The following RRAGC variants were observed in gnomAD, a reference collection of about 807,000 sequenced individuals.
RRAGC encodes ras-related GTP-binding protein C.
A neutral mutation model predicts 37.1 loss-of-function variants in RRAGC; 8 were observed. That is an observed-to-expected ratio of 0.22 (90% confidence interval 0.13 to 0.39). RRAGC has a LOEUF of 0.39. Among genes scored for constraint, RRAGC ranks in the 10% least tolerant of loss-of-function variants. The probability of loss-of-function intolerance (pLI) is 1.00; values close to 1 mark genes in which losing one functional copy is unlikely to be tolerated. For synonymous variants in RRAGC, 190 were observed against 181.1 expected, an observed-to-expected ratio of 1.05 and a Z score of -0.39; for missense variants, 342 against 497.6, an observed-to-expected ratio of 0.69 and a Z score of 2.98.
chr1:38,839,350 C>G lies in RRAGC; in HGVS notation c.*203G>C. On this transcript the variant is annotated 3_prime_UTR_variant, in exon 7 of 7. Transcript: ENST00000373001. Reference sequence around the variant, plus strand: ...CCAGAATTTTTTTTTTTTTTTTTTGCCATTTTCAAAAAAGATATAGTAGCT... The same window carrying G: ...CCAGAATTTTTTTTTTTTTTTTTTGGCATTTTCAAAAAAGATATAGTAGCT... 2 of 379,418 alleles carry G rather than the reference C, an allele frequency of 5.3e-6. No individual in the cohort carries two copies. Among genetic ancestry groups the G allele is most frequent in the Non-Finnish European group, 4.6e-6 (1 of 219,520 alleles). The allele number at this position is 379,418 out of a possible 1,614,324, so 23.5% of individuals were successfully genotyped here.
At chr1:38,848,177 G>A (rs1036786651) in intron 5 of RRAGC, 3 of 152,106 alleles carry the variant, frequency 2.0e-5, no homozygotes, top group Non-Finnish European at 4.4e-5. Flanking sequence ...AATTTGGGAC[G>A]GCAGAGTGGA....
rs1038325454 is a variant in RRAGC, at chr1:38,848,478, C to T, written c.900-2391G>A. 2.6e-5 allele frequency among the ~76,000 whole-genome samples: 4 copies of T among 152,128 alleles called. No homozygotes were observed. In the East Asian group the frequency reaches 5.8e-4, roughly 22 times the overall value. ...CATATGATCTTGAATCACACACTAA[C>T]ATGAGAAAGAAATAAGAAAGGCACA... On this transcript the variant is annotated intron_variant, in intron 5 of 6. Coordinates refer to ENST00000373001, the MANE Select transcript of RRAGC (RefSeq NM_022157.4).
At chr1:38,844,353 A>G (rs181446963) in intron 6 of RRAGC, among the ~76,000 whole-genome samples, 197 of 152,062 alleles carry the variant, frequency 1.3e-3, no homozygotes, top group Admixed American at 0.013. Context: ...GAATTTTTCA[A>G]TCACATAGAG....
In RRAGC at chr1:38,859,566, G is replaced by T; in HGVS notation, c.81C>A (p.Gly27=). The stretch of plus-strand genomic sequence containing the variant: ...CCTCTTCCTCCTCCTCCACGCCGTA[G>T]CCGAAGTCCTTTGGAAACGAATCGG... ...GAADSFPKDF[G]YGVEEEEEEA... The change falls in exon 1 of 7, where the codon GGC becomes GGA. Residue 27 remains glycine (G), a synonymous_variant. Coordinates refer to ENST00000373001, the MANE Select transcript of RRAGC (RefSeq NM_022157.4). 1 of 1,556,524 alleles carries T rather than the reference G, an allele frequency of 6.4e-7. No homozygotes were observed. The highest frequency in any genetic ancestry group is 2.4e-5 in the East Asian group (1 of 42,108).
intron 4 of RRAGC, 65 bp from the exon 5 acceptor site, chr1:38,851,822 G>T (rs568247811): frequency 4.6e-5 from 66 of 1,420,324 alleles, no homozygotes; most frequent in Non-Finnish European, 5.2e-5. Flanking sequence ...ACTTATCGAA[G>T]ATCTAGAATT....
Position 38,859,523 on chromosome 1 carries a change from C to T in RRAGC, c.124G>A (p.Gly42Arg). The change falls in exon 1 of 7, where the codon GGA (glycine) becomes AGA (arginine). Residue 42 changes from glycine (G) to arginine (R), a missense_variant. By Grantham distance (125) the Gly-to-Arg change is moderately radical. Around this residue, in one of 3 missense-constraint regions of RRAGC, gnomAD observed 104 missense variants for 93.4 expected, o/e 1.11. Coordinates refer to ENST00000373001, the MANE Select transcript of RRAGC (RefSeq NM_022157.4). ...EEEEEAAAAG[G>R]GVGAGAGGGC... ...CCGCCTGCCCCTGCCCCAACCCCTC[C>T]GCCCGCCGCCGCCGCCTCCTCTTCC... The T allele has an allele frequency of 1.3e-6, 2 of 1,547,654 alleles. No homozygotes were observed. Among genetic ancestry groups the T allele is most frequent in the South Asian group, 1.2e-5 (1 of 83,950 alleles).
Position 38,842,612 on chromosome 1 carries a change from G to C in RRAGC, c.1049-2908C>G, listed in dbSNP as rs6680735. Among the ~76,000 whole-genome samples, 757 of 152,298 alleles carry C rather than the reference G, an allele frequency of 5.0e-3. 7 individuals carry two copies. The highest frequency in any genetic ancestry group is 0.017 in the African/African-American group (714 of 41,554). ...TAAAGTCACTTTGGAGAGCTGTTTG[G>C]CAATCTCTTTATTAGTCAAAAGATA... is the stretch of plus-strand genomic sequence containing the variant. On this transcript the variant is annotated intron_variant, in intron 6 of 6. Transcript: ENST00000373001.
rs1195974696 is a variant in RRAGC at position 38,856,965 on chromosome 1, C to T, written c.355G>A (p.Gly119Arg). ...GTTGGGTCAAAAAAGTCCATTTGCCCAGGAAAATCCCATATCTGGAAATTC... is the reference window on the plus strand; with the variant it reads ...GTTGGGTCAAAAAAGTCCATTTGCCTAGGAAAATCCCATATCTGGAAATTC... ...FVNFQIWDFP[G>R]QMDFFDPTFD... is the part of the protein sequence containing the mutation. Residue 119 changes from glycine to arginine, a missense_variant, in exon 2 of 7, where the codon GGG becomes AGG. This residue lies in a region of RRAGC where 134 missense variants were observed against 277.2 expected (regional missense o/e 0.48). Transcript: ENST00000373001. The T allele has an allele frequency of 6.2e-7, 1 of 1,614,054 alleles. No homozygotes were observed. The highest frequency in any genetic ancestry group is 8.5e-7 in the Non-Finnish European group (1 of 1,180,002).
intron 3 of RRAGC, among the ~76,000 whole-genome samples, chr1:38,854,571 A>G (rs543167354): frequency 6.6e-6 from 1 of 152,360 alleles, no homozygotes; most frequent in South Asian, 2.1e-4. Flanking sequence ...GTAAAAAACT[A>G]TTAGCAGTGG....
chr1:38,857,634 G>T (rs1642183593), intron 1 of RRAGC, among the ~76,000 whole-genome samples: 3 of 152,196 alleles, frequency 2.0e-5, no homozygotes, highest in African/African-American at 7.2e-5. Context: ...TAGCTCTCAT[G>T]AGAAAAGAAA....
chr1:38,859,104 C>T (rs1310013760), intron 1 of RRAGC, among the ~76,000 whole-genome samples: 1 of 152,230 alleles, frequency 6.6e-6, no homozygotes, highest in Non-Finnish European at 1.5e-5. Context: ...GAGAGTACGT[C>T]TCAGTTTCGT....
chr1:38,852,161 AAAG>A (rs1642108802), intron 4 of RRAGC, among the ~76,000 whole-genome samples: 1 of 152,358 alleles, frequency 6.6e-6, no homozygotes, highest in South Asian at 2.1e-4. Flanking sequence ...ACAAACCATA[AAAG>A]AATTACACGT....
chr1:38,858,569 G>C (rs1459126572), intron 1 of RRAGC, among the ~76,000 whole-genome samples: 3 of 152,116 alleles, frequency 2.0e-5, no homozygotes, highest in Admixed American at 1.3e-4. Flanking sequence ...GTGGTGGCGC[G>C]CGCCTGTAAT....
chr1:38,853,537 G>A (rs1642127380), intron 3 of RRAGC, among the ~76,000 whole-genome samples: 1 of 152,174 alleles, frequency 6.6e-6, no homozygotes, highest in Admixed American at 6.5e-5. Context: ...CTTGAGGTCG[G>A]GAGTTCGAGA....
Position 38,839,408 on chromosome 1 carries a change from A to G in RRAGC, c.*145T>C. 1 of 728,448 alleles carries G rather than the reference A, an allele frequency of 1.4e-6. No homozygotes were observed. The allele number at this position is 728,448 out of a possible 1,614,324, so 45.1% of individuals were successfully genotyped here. On this transcript the variant is annotated 3_prime_UTR_variant, in exon 7 of 7. Transcript: ENST00000373001. ...TACACCACCAGTTGAAGGGGTTTTCATCCAAATGAGAAACTCTACCCCTTG... is the reference window on the plus strand; with the variant it reads ...TACACCACCAGTTGAAGGGGTTTTCGTCCAAATGAGAAACTCTACCCCTTG...
At position 38,849,753 on chromosome 1, in the gene RRAGC, T is replaced by C. The variant is rs533802881; in HGVS notation, c.899+1862A>G. ...ATTGAAAATAAATTTTACAGTTAAA[T>C]TTGATTTTTGTATTATGAAAAAGTT... On this transcript the variant is annotated intron_variant, in intron 5 of 6. Coordinates refer to ENST00000373001, the MANE Select transcript of RRAGC (RefSeq NM_022157.4). Among the ~76,000 whole-genome samples the C allele has an allele frequency of 2.0e-5, 3 of 152,312 alleles. No homozygotes were observed. In the South Asian group the frequency reaches 6.2e-4, roughly 32 times the overall value.
chr1:38,852,258 T>A (rs1412252466), intron 4 of RRAGC, 116 bp downstream of exon 4: 9 of 698,042 alleles, frequency 1.3e-5, no homozygotes, highest in Non-Finnish European at 2.3e-5. Context: ...GGGTCACTAG[T>A]CTTTGTACTT....
chr1:38,851,603 T>C lies in RRAGC; in HGVS notation c.899+12A>G, dbSNP rs754620928. 3.3e-6 allele frequency: 5 copies of C among 1,505,978 alleles called. No individual in the cohort carries two copies. The highest frequency in any genetic ancestry group is 3.5e-6 in the Non-Finnish European group (4 of 1,134,300). 93.3% of individuals were successfully genotyped at this position (1,505,978 alleles called of 1,614,324 possible). A position where few individuals can be genotyped will look rare whatever the true frequency, so the allele number is the denominator to read the frequency against. ...CTGTCTGAGATATTGCAGGAATATA[T>C]ACATAACTTACCCATATATACAAGA... On this transcript the variant is annotated intron_variant, in intron 5 of 6. Coordinates refer to ENST00000373001, the MANE Select transcript of RRAGC (RefSeq NM_022157.4).
At position 38,859,563 on chromosome 1, in the gene RRAGC, G is replaced by A. The variant is rs199567907; in HGVS notation, c.84C>T (p.Tyr28=). The change falls in exon 1 of 7, where the codon TAC becomes TAT. Residue 28 remains tyrosine (Y), a synonymous_variant. Transcript: ENST00000373001. ...CCTCCTCTTCCTCCTCCTCCACGCC[G>A]TAGCCGAAGTCCTTTGGAAACGAAT... ...AADSFPKDFG[Y]GVEEEEEEAA... 1.3e-6 allele frequency: 2 copies of A among 1,521,208 alleles called. No individual in the cohort carries two copies. The highest frequency in any genetic ancestry group is 1.8e-6 in the Non-Finnish European group (2 of 1,131,638). 94.2% of individuals were successfully genotyped at this position (1,521,208 alleles called of 1,614,324 possible).
Sources: gnomAD v4.1 joint callset for allele counts (sites outside exome capture counted in the v4.1 genomes callset) on GRCh38, gnomAD v4.1.1 for gene constraint, gnomAD v4.1.1 regional missense constraint, MANE v1.5 for transcripts, NCBI Gene and HGNC (gene_info 2026-07-23, HGNC 2026-07-21) for gene names.